TMEM63A: variants seen among roughly 807,000 people sequenced by gnomAD.
The protein encoded by TMEM63A is mechanosensitive cation channel TMEM63A.
Under a neutral mutation model 100.6 loss-of-function variants are expected in TMEM63A, and 76 were observed. The observed-to-expected ratio is 0.76, with a 90% CI of 0.63 to 0.91. The LOEUF is 0.91. Ranked by LOEUF, TMEM63A falls within the 40% of genes least tolerant of loss-of-function variation. The probability of loss-of-function intolerance (pLI) is 0.00; values close to 1 mark genes in which losing one functional copy is unlikely to be tolerated. For synonymous variants in TMEM63A, 401 were observed against 401.1 expected (o/e 1.00, Z 0.00); for missense variants, 876 against 1,008.8 (o/e 0.87, Z 1.78).
intron 5 of TMEM63A, 118 bp downstream of exon 5, chr1:225,871,869 G>T: frequency 1.3e-6 from 1 of 745,554 alleles, no homozygotes; most frequent in Non-Finnish European, 2.3e-6. Context: ...CTTCGTCGAT[G>T]CAGAAAAGCA....
chr1:225,868,167 G>T, intron 6 of TMEM63A, 137 bp from the exon 7 acceptor site: 1 of 1,104,266 alleles, frequency 9.1e-7, no homozygotes. Flanking sequence ...CACATATGAG[G>T]AAATAAAGGC....
At chr1:225,845,468 C>T, downstream of TMEM63A, 1 of 1,014,298 alleles carries the variant, frequency 9.9e-7, no homozygotes. Context: ...GCTGGGAGCC[C>T]ACGCTCACCC....
At chr1:225,857,384 CGGGGGG>C (rs752790126) in intron 15 of TMEM63A, among the ~76,000 whole-genome samples, 2 of 93,868 alleles carry the variant, frequency 2.1e-5, no homozygotes, top group African/African-American at 1.2e-4. Context: ...GCCGGCGGGG[CGGGGGG>C]GGGGGGGTGC....
intron 15 of TMEM63A, among the ~76,000 whole-genome samples, chr1:225,858,307 C>G (rs1434403346): frequency 4.8e-5 from 7 of 147,326 alleles, no homozygotes; most frequent in Non-Finnish European, 7.4e-5. Flanking sequence ...ATTACCTATA[C>G]AGAATAGTTT....
chr1:225,847,986 G>C (rs574503916), intron 23 of TMEM63A, among the ~76,000 whole-genome samples: 1 of 152,300 alleles, frequency 6.6e-6, no homozygotes, highest in East Asian at 1.9e-4. Flanking sequence ...CCTGGAGGCT[G>C]TGTGCAGAGA....
At chr1:225,844,804 G>A (rs921148254), downstream of TMEM63A, among the ~76,000 whole-genome samples, 5 of 152,186 alleles carry the variant, frequency 3.3e-5, no homozygotes, top group African/African-American at 1.2e-4. Context: ...CTCATGGAGG[G>A]ACCAGGTGCC....
At position 225,853,211 on chromosome 1, in the gene TMEM63A, T is replaced by C. The variant is rs1669442863; in HGVS notation, c.1797+418A>G. 1.3e-5 allele frequency among the ~76,000 whole-genome samples: 2 copies of C among 152,178 alleles called. No homozygotes were observed. The highest frequency in any genetic ancestry group is 6.5e-5 in the Admixed American group (1 of 15,282). ...CACTTTCCTCGCACAGTGCCCACCATGGCAGAGGAGAATAAAAGAGAAAGC... is the reference window on the plus strand; with the variant it reads ...CACTTTCCTCGCACAGTGCCCACCACGGCAGAGGAGAATAAAAGAGAAAGC... On this transcript the variant is annotated intron_variant, in intron 19 of 24. Transcript: ENST00000366835. The surrounding 1 kb of genome is among the most constrained non-coding windows in gnomAD (Gnocchi z 4.0).
chr1:225,845,119 CCCCT>C, downstream of TMEM63A: 1 of 1,613,200 alleles, frequency 6.2e-7, no homozygotes, highest in Non-Finnish European at 8.5e-7. Flanking sequence ...CACAGCCTCA[CCCCT>C]CCGTCGGCTC....
At position 225,868,019 on chromosome 1, in the gene TMEM63A, A is replaced by C. The variant is rs1670301478; in HGVS notation, c.383T>G (p.Ile128Ser). 2 of 1,614,178 alleles carry C rather than the reference A, an allele frequency of 1.2e-6. No individual in the cohort carries two copies. Among genetic ancestry groups the C allele is most frequent in the Non-Finnish European group, 1.7e-6 (2 of 1,180,024 alleles). Residue 128 changes from isoleucine (I) to serine (S), a missense_variant, in exon 7 of 25, where the codon ATC (isoleucine) becomes AGC (serine). Ile to Ser is a moderately radical substitution (Grantham distance 142, BLOSUM62 -2). Transcript: ENST00000366835. ...TAIFRLHDDQ[I>S]LEWCGEDAIH... Reference sequence around the variant, plus strand: ...GGCGTCCTCCCCACACCATTCCAGGATCTGGTCATCACTGGCCAAGACACA... The same window carrying C: ...GGCGTCCTCCCCACACCATTCCAGGCTCTGGTCATCACTGGCCAAGACACA...
chr1:225,844,269 G>A (rs182435995), downstream of TMEM63A, among the ~76,000 whole-genome samples: 1 of 151,692 alleles, frequency 6.6e-6, no homozygotes, highest in East Asian at 1.9e-4. Context: ...CAAGGTGGGT[G>A]GGGGGAGGAC....
chr1:225,854,969 CA>C (rs1669544228), intron 18 of TMEM63A, among the ~76,000 whole-genome samples: 1 of 152,208 alleles, frequency 6.6e-6, no homozygotes, highest in Non-Finnish European at 1.5e-5. Context: ...GCTGATAGAT[CA>C]TAAGATGAGG....
chr1:225,866,553 C>G, intron 9 of TMEM63A, 21 bp downstream of exon 9: 2 of 1,609,424 alleles, frequency 1.2e-6, no homozygotes, highest in South Asian at 2.2e-5. Context: ...AGCACATGTC[C>G]CTAAGTCCCG....
At chr1:225,845,256 T>C (rs1668861046), downstream of TMEM63A, 3 of 1,613,926 alleles carry the variant, frequency 1.9e-6, no homozygotes, top group Non-Finnish European at 2.5e-6. Flanking sequence ...TATTCCTACA[T>C]GGTTCGTGGG....
chr1:225,851,854 A>C (rs937626083), intron 20 of TMEM63A, among the ~76,000 whole-genome samples: 8 of 152,224 alleles, frequency 5.3e-5, no homozygotes, highest in African/African-American at 1.7e-4. Context: ...TGCCAGTTGC[A>C]GATGTTTTAT....
chr1:225,869,652 A>G (rs1291314934), intron 6 of TMEM63A, among the ~76,000 whole-genome samples: 3 of 122,128 alleles, frequency 2.5e-5, no homozygotes, highest in Non-Finnish European at 4.8e-5. Context: ...TCATTTTCAT[A>G]TTTCTTTTCT....
chr1:225,873,044 A>T (rs921315872), intron 4 of TMEM63A, among the ~76,000 whole-genome samples: 3 of 151,988 alleles, frequency 2.0e-5, no homozygotes, highest in Non-Finnish European at 4.4e-5. Context: ...CCCCCCTACT[A>T]AAGACAAAAC....
chr1:225,851,067 G>A (rs571202303), intron 20 of TMEM63A, among the ~76,000 whole-genome samples: 2 of 152,234 alleles, frequency 1.3e-5, no homozygotes, highest in Admixed American at 1.3e-4. Flanking sequence ...CCTGCACCAA[G>A]GGAGTCACAG....
chr1:225,874,639 G>T (rs78910316), intron 3 of TMEM63A, among the ~76,000 whole-genome samples: 1,949 of 152,318 alleles, frequency 0.013, 36 homozygotes, highest in African/African-American at 0.045. Context: ...GCCTAGTTCT[G>T]CACGTCAGCC....
At chr1:225,882,066 G>C (rs1386886856) in intron 1 of TMEM63A, among the ~76,000 whole-genome samples, 1 of 152,240 alleles carries the variant, frequency 6.6e-6, no homozygotes, top group Non-Finnish European at 1.5e-5. Flanking sequence ...AAAGCGAAAA[G>C]CCGGAGAGGA....
Sources: gnomAD v4.1 joint callset for allele counts (sites outside exome capture counted in the v4.1 genomes callset) on GRCh38, gnomAD v4.1.1 for gene constraint, Gnocchi (gnomAD v3.1) non-coding constraint, MANE v1.5 for transcripts, NCBI Gene and HGNC (gene_info 2026-07-23, HGNC 2026-07-21) for gene names.